Variants in STARD13 observed in about 807,000 individuals in gnomAD.
STARD13 encodes the protein StAR related lipid transfer domain containing 13.
A neutral mutation model predicts 106.4 loss-of-function variants in STARD13; 62 were observed. The ratio of observed to expected loss-of-function variants is 0.58; its 90% CI spans 0.48 to 0.72. The LOEUF (loss-of-function observed/expected upper bound fraction) is 0.72, where lower values mean the gene tolerates loss of function less well. Among genes scored for constraint, STARD13 ranks in the 30% least tolerant of loss-of-function variants. The pLI, the probability that STARD13 is intolerant of heterozygous loss-of-function variation, is 0.00. For synonymous variants in STARD13, 565 were observed against 553.0 expected (o/e 1.02, Z -0.31); for missense variants, 1,387 against 1,424.0 (o/e 0.97, Z 0.42).
intron 13 of STARD13, 89 bp from the exon 14 acceptor site, chr13:33,105,799 C>T (rs1593839331): frequency 9.0e-7 from 1 of 1,107,718 alleles, no homozygotes. Flanking sequence ...CCCTTGGGCC[C>T]CGATGACCAG....
the STARD13 span, among the ~76,000 whole-genome samples, chr13:33,415,040 A>C: frequency 1.3e-5 from 2 of 152,288 alleles, no homozygotes; most frequent in South Asian, 4.1e-4. Context: ...ATTTGTATGT[A>C]TATCAATGTT....
chr13:33,401,356 T>C, the STARD13 span, among the ~76,000 whole-genome samples: 6 of 152,244 alleles, frequency 3.9e-5, no homozygotes, highest in Non-Finnish European at 7.3e-5. Flanking sequence ...ACTACTTGAC[T>C]ATTGGCCCCA....
chr13:33,230,061 A>T lies in STARD13; in HGVS notation c.169+55409T>A, dbSNP rs77234877. ...AAGACAAGCAAGAACACAGGGAGAC[A>T]TTATGAGGCCTGGAAGCGAATTTGC... On this transcript the variant is annotated intron_variant, in intron 1 of 13. Transcript: ENST00000336934. 5.0e-3 allele frequency among the ~76,000 whole-genome samples: 756 copies of T among 152,354 alleles called. 4 individuals carry two copies. Among genetic ancestry groups the T allele is most frequent in the Non-Finnish European group, 7.6e-3 (518 of 68,028 alleles).
chr13:33,119,504 C>A (rs1177150332), intron 7 of STARD13, among the ~76,000 whole-genome samples: 1 of 152,192 alleles, frequency 6.6e-6, no homozygotes, highest in Non-Finnish European at 1.5e-5. Context: ...GTGACAAAGG[C>A]TTTCCTGATT....
the STARD13 span, among the ~76,000 whole-genome samples, chr13:33,459,810 A>C: frequency 6.6e-6 from 1 of 152,122 alleles, no homozygotes; most frequent in South Asian, 2.1e-4. Context: ...GTTTATTTGA[A>C]ATATATTTTT....
the STARD13 span, among the ~76,000 whole-genome samples, chr13:33,491,616 G>A: frequency 6.6e-6 from 1 of 152,148 alleles, no homozygotes. Flanking sequence ...AAGGATCTCT[G>A]TCTAAAACCA....
the STARD13 span, among the ~76,000 whole-genome samples, chr13:33,565,703 CA>C: frequency 6.8e-6 from 1 of 147,718 alleles, no homozygotes; most frequent in African/African-American, 2.5e-5. Context: ...ACGCTGCCTC[CA>C]AACAGGTAAG....
intron 1 of STARD13, among the ~76,000 whole-genome samples, chr13:33,230,104 G>A (rs1594137024): frequency 6.6e-6 from 1 of 152,324 alleles, no homozygotes; most frequent in East Asian, 1.9e-4. Flanking sequence ...GGGAGCAGAT[G>A]GTCAGTCCAC....
chr13:33,149,198 T>C lies in STARD13; in HGVS notation c.324-6825A>G, dbSNP rs116664842. ...AACCCTAATGTACACTATGGAGAAT[T>C]TGGGTGATAATGATATGTCAATGTA... On this transcript the variant is annotated intron_variant, in intron 3 of 13. Transcript: ENST00000336934. Among the ~76,000 whole-genome samples, 892 of 152,044 alleles carry C rather than the reference T, an allele frequency of 5.9e-3. 14 individuals are homozygous for C. The highest frequency in any genetic ancestry group is 0.02 in the African/African-American group (843 of 41,466).
At chr13:33,193,299 G>A (rs1356229546) in intron 1 of STARD13, among the ~76,000 whole-genome samples, 1 of 152,154 alleles carries the variant, frequency 6.6e-6, no homozygotes, top group Non-Finnish European at 1.5e-5. Context: ...GTGATTAGAA[G>A]GAGAAGGAAA....
chr13:33,320,231 T>C (rs185388589), intron 1 of STARD13, among the ~76,000 whole-genome samples: 24 of 152,326 alleles, frequency 1.6e-4, no homozygotes, highest in Admixed American at 1.3e-3. Flanking sequence ...GGTAGCTATT[T>C]AACAGGAGAA....
At chr13:33,328,383 T>C (rs1252736957) in intron 1 of STARD13, among the ~76,000 whole-genome samples, 1 of 152,208 alleles carries the variant, frequency 6.6e-6, no homozygotes, top group East Asian at 1.9e-4. Flanking sequence ...GGTATGTTAA[T>C]AGTACTAACC....
chr13:33,643,307 G>C, the STARD13 span, among the ~76,000 whole-genome samples: 23 of 152,292 alleles, frequency 1.5e-4, no homozygotes, highest in Middle Eastern at 3.4e-3. Flanking sequence ...GTATTTGCCT[G>C]TTTTGCCTCC....
At chr13:33,161,046 G>A (rs376045683) in intron 3 of STARD13, among the ~76,000 whole-genome samples, 3 of 152,134 alleles carry the variant, frequency 2.0e-5, no homozygotes, top group African/African-American at 4.8e-5. Context: ...ATAAACAACC[G>A]TAGGACATCC....
chr13:33,350,391 C>A, exon 1 of STARD13: 2 of 1,533,622 alleles, frequency 1.3e-6, no homozygotes, highest in Non-Finnish European at 1.7e-6. Context: ...CTGCGTTTGG[C>A]AAGGTTTCCG....
the STARD13 span, among the ~76,000 whole-genome samples, chr13:33,362,290 A>G: frequency 6.6e-6 from 1 of 152,118 alleles, no homozygotes; most frequent in Non-Finnish European, 1.5e-5. Context: ...CGCTTGTGTG[A>G]ACTGACTGAG....
the STARD13 span, among the ~76,000 whole-genome samples, chr13:33,499,612 T>TCTTCTTCTTC: frequency 1.3e-5 from 1 of 79,210 alleles, no homozygotes; most frequent in Non-Finnish European, 2.5e-5. Flanking sequence ...TCTTTCTTCT[T>TCTTCTTCTTC]CTTCTTCTTC....
At chr13:33,290,944 C>T (rs1389818779) in intron 1 of STARD13, among the ~76,000 whole-genome samples, 1 of 152,254 alleles carries the variant, frequency 6.6e-6, no homozygotes, top group Admixed American at 6.5e-5. Flanking sequence ...TTTGGTCTTA[C>T]CAGTCATATT....
the STARD13 span, among the ~76,000 whole-genome samples, chr13:33,409,105 G>C: frequency 1.3e-5 from 2 of 151,854 alleles, no homozygotes; most frequent in Non-Finnish European, 2.9e-5. Context: ...TAGAAAGAAA[G>C]CTCTATGAAG....
Sources: gnomAD v4.1 joint callset for allele counts (sites outside exome capture counted in the v4.1 genomes callset) on GRCh38, gnomAD v4.1.1 for gene constraint, MANE v1.5 for transcripts, NCBI Gene and HGNC (gene_info 2026-07-23, HGNC 2026-07-21) for gene names.